BICRAL: variants seen among roughly 807,000 people sequenced by gnomAD.
BICRAL encodes the protein BRD4-interacting chromatin-remodeling complex-associated protein-like.
In BICRAL, 8 loss-of-function variants were observed where a neutral mutation model predicts 91.8. The ratio of observed to expected loss-of-function variants is 0.09; its 90% CI spans 0.05 to 0.16. BICRAL has a LOEUF of 0.16. BICRAL is among the 10% of genes least tolerant of loss of function. BICRAL has a pLI of 1.00. For synonymous variants in BICRAL, 445 were observed against 491.1 expected (o/e 0.91, Z 1.24); for missense variants, 1,038 against 1,310.9 (o/e 0.79, Z 3.21).
At chr6:42,858,386 C>T (rs1306705997) in intron 10 of BICRAL, among the ~76,000 whole-genome samples, 1 of 150,720 alleles carries the variant, frequency 6.6e-6, no homozygotes, top group Non-Finnish European at 1.5e-5. Context: ...CGTGGTGGCA[C>T]ACGCCTTCAG....
chr6:42,790,628 A>G (rs1763244581), intron 1 of BICRAL, among the ~76,000 whole-genome samples: 1 of 151,878 alleles, frequency 6.6e-6, no homozygotes, highest in African/African-American at 2.4e-5. Context: ...CAATAACCGT[A>G]AAGTGAGATT....
At chr6:42,782,970 CTGGGGAGGGGGAGGGGAGAGGG>C (rs1244063356) in intron 1 of BICRAL, among the ~76,000 whole-genome samples, 3 of 131,550 alleles carry the variant, frequency 2.3e-5, no homozygotes, top group South Asian at 2.8e-4. Context: ...GACCCCGCGT[CTGGGGAGGGGGAGGGGAGAGGG>C]TGGGGAGGGA....
intron 1 of BICRAL, among the ~76,000 whole-genome samples, chr6:42,760,961 G>A (rs900783556): frequency 6.6e-6 from 1 of 151,870 alleles, no homozygotes; most frequent in African/African-American, 2.4e-5. Context: ...GGTGGAGGTT[G>A]CAGTCAGCCG....
rs1292454420 is a variant in BICRAL at position 42,807,114 on chromosome 6, A to G, written c.-101-3192A>G. 2.6e-5 allele frequency among the ~76,000 whole-genome samples: 4 copies of G among 151,466 alleles called. No individual in the cohort carries two copies. In the East Asian group the frequency reaches 7.8e-4, roughly 30 times the overall value. ...CCAAAGTGCTGGGCTTACAGGCGTG[A>G]GCCACCATGCCCAGCCATTCATGTT... On this transcript the variant is annotated intron_variant, in intron 1 of 12. Transcript: ENST00000314073.
intron 1 of BICRAL, among the ~76,000 whole-genome samples, chr6:42,790,073 A>G (rs993954799): frequency 6.6e-6 from 1 of 152,226 alleles, no homozygotes; most frequent in Admixed American, 6.5e-5. Context: ...GTGGCGGCTT[A>G]TAGCATTTGA....
intron 1 of BICRAL, among the ~76,000 whole-genome samples, chr6:42,773,189 C>G (rs576732322): frequency 1.3e-4 from 19 of 149,908 alleles, no homozygotes; most frequent in Non-Finnish European, 2.7e-4. Flanking sequence ...AGGGATTCTT[C>G]CGCCTCAGCC....
At chr6:42,767,332 A>G (rs1762651180) in intron 1 of BICRAL, among the ~76,000 whole-genome samples, 1 of 152,110 alleles carries the variant, frequency 6.6e-6, no homozygotes, top group Non-Finnish European at 1.5e-5. Flanking sequence ...ATTTTAAATG[A>G]GAAATTATGC....
At chr6:42,831,009 T>G (rs1764460363) in intron 6 of BICRAL, among the ~76,000 whole-genome samples, 1 of 152,158 alleles carries the variant, frequency 6.6e-6, no homozygotes, top group Non-Finnish European at 1.5e-5. Context: ...ATGGAAAAAG[T>G]TAACTTACCA....
intron 1 of BICRAL, among the ~76,000 whole-genome samples, chr6:42,808,619 T>A (rs1562472002): frequency 1.3e-5 from 2 of 152,144 alleles, no homozygotes; most frequent in Non-Finnish European, 2.9e-5. Flanking sequence ...AGTGAAATGA[T>A]TTTCAAACTT....
intron 10 of BICRAL, among the ~76,000 whole-genome samples, chr6:42,857,612 A>ATAT (rs1471429375): frequency 9.3e-5 from 9 of 97,054 alleles, no homozygotes; most frequent in Non-Finnish European, 1.3e-4. Flanking sequence ...AAAAAAAAAA[A>ATAT]AAATATATAT....
intron 1 of BICRAL, among the ~76,000 whole-genome samples, chr6:42,782,330 T>G (rs1450837560): frequency 1.0e-4 from 14 of 137,782 alleles, no homozygotes; most frequent in Admixed American, 2.8e-4. Flanking sequence ...AGGCTGTGTT[T>G]TTTTTTTTTT....
intron 10 of BICRAL, among the ~76,000 whole-genome samples, chr6:42,859,042 A>G (rs1765473219): frequency 2.0e-5 from 3 of 151,968 alleles, no homozygotes; most frequent in Admixed American, 2.0e-4. Context: ...CTGTGAGTCC[A>G]CTGTGGGCTT....
At chr6:42,800,891 A>G (rs1411833758) in intron 1 of BICRAL, among the ~76,000 whole-genome samples, 1 of 151,136 alleles carries the variant, frequency 6.6e-6, no homozygotes, top group Non-Finnish European at 1.5e-5. Context: ...TTACTCATTG[A>G]CAGAGAGCAA....
chr6:42,791,832 C>T (rs1317828082), intron 1 of BICRAL, among the ~76,000 whole-genome samples: 1 of 152,116 alleles, frequency 6.6e-6, no homozygotes, highest in African/African-American at 2.4e-5. Context: ...ATGAATGCAT[C>T]GTTAGGTGAT....
chr6:42,796,631 G>A (rs771652508), intron 1 of BICRAL, among the ~76,000 whole-genome samples: 40 of 152,192 alleles, frequency 2.6e-4, no homozygotes, highest in Non-Finnish European at 5.0e-4. Flanking sequence ...GAGACAGCCA[G>A]TGGGAGATGA....
At chr6:42,772,827 G>A (rs1033102286) in intron 1 of BICRAL, among the ~76,000 whole-genome samples, 1 of 152,178 alleles carries the variant, frequency 6.6e-6, no homozygotes, top group African/African-American at 2.4e-5. Context: ...ATTGAGGGAG[G>A]ATGGTATTCG....
chr6:42,800,678 T>C (rs578069597), intron 1 of BICRAL, among the ~76,000 whole-genome samples: 4 of 152,042 alleles, frequency 2.6e-5, no homozygotes, highest in African/African-American at 9.6e-5. Context: ...GCCTCCTGAG[T>C]AGCTGGGACT....
At chr6:42,844,508 C>CAAAAAA (rs34115804) in intron 6 of BICRAL, among the ~76,000 whole-genome samples, 6 of 31,460 alleles carry the variant, frequency 1.9e-4, no homozygotes, top group South Asian at 4.7e-3. Flanking sequence ...GACTCCATCT[C>CAAAAAA]AAAAAAAAAA....
intron 1 of BICRAL, among the ~76,000 whole-genome samples, chr6:42,757,444 G>T (rs548962416): frequency 4.3e-4 from 65 of 152,204 alleles, no homozygotes; most frequent in African/African-American, 1.4e-3. Context: ...ACTAGAGACG[G>T]GGTTTCACCC....
Sources: gnomAD v4.1 joint callset for allele counts (sites outside exome capture counted in the v4.1 genomes callset) on GRCh38, gnomAD v4.1.1 for gene constraint, MANE v1.5 for transcripts, NCBI Gene and HGNC (gene_info 2026-07-23, HGNC 2026-07-21) for gene names.